The following SDCCAG8 variants were observed in gnomAD, a reference collection of about 807,000 sequenced individuals.
SDCCAG8 encodes the protein SHH signaling and ciliogenesis regulator SDCCAG8.
SDCCAG8 carries 74 observed loss-of-function variants against 101.8 expected under a neutral mutation model. The observed-to-expected ratio is 0.73, with a 90% CI of 0.60 to 0.88. The LOEUF (loss-of-function observed/expected upper bound fraction) is 0.88. SDCCAG8 is among the 40% of genes least tolerant of loss of function. The probability of loss-of-function intolerance (pLI) is 0.00; values close to 1 mark genes in which losing one functional copy is unlikely to be tolerated. For synonymous variants in SDCCAG8, 281 were observed against 292.9 expected (o/e 0.96, Z 0.41); for missense variants, 787 against 822.6 (o/e 0.96, Z 0.53).
chr1:243,363,954 A>AT (rs1369120751), intron 12 of SDCCAG8, among the ~76,000 whole-genome samples: 1 of 152,198 alleles, frequency 6.6e-6, no homozygotes, highest in Admixed American at 6.5e-5. Flanking sequence ...TAGTTAGAAA[A>AT]TATAGGTTAT....
Position 243,336,796 on chromosome 1 carries a change from A to G in SDCCAG8, c.1222-4243A>G, listed in dbSNP as rs934813152. On this transcript the variant is annotated intron_variant, in intron 10 of 17. Coordinates refer to ENST00000366541, the MANE Select transcript of SDCCAG8 (RefSeq NM_006642.5). The stretch of plus-strand genomic sequence containing the variant: ...TCATGTTTGTTGGCCATTTGTATGT[A>G]TTCTTTTGAGAAGTGTCTGTTCATG... 2.6e-5 allele frequency among the ~76,000 whole-genome samples: 4 copies of G among 152,078 alleles called. No homozygotes were observed. The East Asian group carries it at 5.8e-4, about 22-fold the overall frequency.
intron 4 of SDCCAG8, among the ~76,000 whole-genome samples, chr1:243,279,585 A>G (rs752638638): frequency 1.4e-4 from 21 of 152,326 alleles, no homozygotes; most frequent in Non-Finnish European, 2.8e-4. Flanking sequence ...AAACCATCAC[A>G]AGTCAGGGAC....
intron 13 of SDCCAG8, among the ~76,000 whole-genome samples, chr1:243,384,529 C>G (rs1423592016): frequency 6.6e-6 from 1 of 151,848 alleles, no homozygotes; most frequent in Non-Finnish European, 1.5e-5. Flanking sequence ...TTCTAACAAA[C>G]AATGCAAGTA....
At chr1:243,417,893 A>G in intron 14 of SDCCAG8, 75 bp from the exon 15 acceptor site, 1 of 1,054,100 alleles carries the variant, frequency 9.5e-7, no homozygotes, top group Admixed American at 1.7e-5. Flanking sequence ...GCACTTTACC[A>G]CTCTATGTAT....
intron 10 of SDCCAG8, chr1:243,339,045 AGTGGG>A (rs1179418691): frequency 1.0e-4 from 16 of 154,134 alleles, no homozygotes; most frequent in African/African-American, 3.6e-4. Context: ...GACCTCAGAA[AGTGGG>A]GTGGGCGGCA....
At chr1:243,283,418 C>T (rs1373652904) in intron 4 of SDCCAG8, among the ~76,000 whole-genome samples, 1 of 125,624 alleles carries the variant, frequency 8.0e-6, no homozygotes, top group African/African-American at 3.0e-5. Flanking sequence ...TATATATATA[C>T]ATGTATATAT....
chr1:243,298,587 G>A (rs1157870097), intron 6 of SDCCAG8, among the ~76,000 whole-genome samples: 3 of 152,064 alleles, frequency 2.0e-5, no homozygotes, highest in Admixed American at 6.6e-5. Flanking sequence ...AAAATGCTGG[G>A]ATTACAGATG....
chr1:243,271,627 C>T (rs1348298534), intron 3 of SDCCAG8, among the ~76,000 whole-genome samples: 2 of 152,070 alleles, frequency 1.3e-5, no homozygotes, highest in Non-Finnish European at 2.9e-5. Context: ...ACTACAACCT[C>T]TGCCTCCCTG....
At position 243,256,481 on chromosome 1, in the gene SDCCAG8, A is replaced by G. The variant is rs571153174; in HGVS notation, c.67+241A>G. ...ATCAACTCCTTGATCTTAACTTGGC[A>G]TCTTTCTCAACCGGCGACAGCAGAA... On this transcript the variant is annotated intron_variant, in intron 1 of 17. Coordinates refer to ENST00000366541, the MANE Select transcript of SDCCAG8 (RefSeq NM_006642.5). 2.3e-3 allele frequency among the ~76,000 whole-genome samples: 354 copies of G among 152,352 alleles called. 1 individual carries two copies. The highest frequency in any genetic ancestry group is 8.3e-3 in the African/African-American group (346 of 41,582).
chr1:243,331,630 C>A (rs770591144), intron 10 of SDCCAG8, among the ~76,000 whole-genome samples: 2 of 152,162 alleles, frequency 1.3e-5, no homozygotes, highest in Non-Finnish European at 2.9e-5. Context: ...TCTGTCAAAA[C>A]CCTACTACCT....
rs947688960 is a variant in SDCCAG8, at chr1:243,457,945, GATTTTAAA to G, written c.1986-31064_1986-31057del. Among the ~76,000 whole-genome samples, 45 of 152,314 alleles carry G rather than the reference GATTTTAAA, an allele frequency of 3.0e-4. 1 individual carries two copies. The highest frequency in any genetic ancestry group is 2.3e-3 in the Admixed American group (35 of 15,294). ...TGTGTTTTCGTCTCTTTTCTAAACA[GATTTTAAA>G]ATTTGGCTATAATATGTTAGGCATC... is the stretch of plus-strand genomic sequence containing the variant. On this transcript the variant is annotated intron_variant, in intron 16 of 17. Transcript: ENST00000366541.
At chr1:243,406,762 C>A (rs1028380427) in intron 13 of SDCCAG8, among the ~76,000 whole-genome samples, 1 of 152,162 alleles carries the variant, frequency 6.6e-6, no homozygotes, top group African/African-American at 2.4e-5. Context: ...AACATATATC[C>A]TCCAGCATCC....
At position 243,458,734 on chromosome 1, in the gene SDCCAG8, TA is replaced by T. The variant is rs1658367214; in HGVS notation, c.1986-30278del. ...AATCTTAGCAATATTTTAGCTCCCA[TA>T]ATAGTAAAAATTTTTAGAAGCGCTT... On this transcript the variant is annotated intron_variant, in intron 16 of 17. Coordinates refer to ENST00000366541, the MANE Select transcript of SDCCAG8 (RefSeq NM_006642.5). The surrounding 1 kb of genome is among the most constrained non-coding windows in gnomAD (Gnocchi z 4.5). Among the ~76,000 whole-genome samples the T allele has an allele frequency of 6.6e-6, 1 of 152,220 alleles. No homozygotes were observed. The highest frequency in any genetic ancestry group is 1.5e-5 in the Non-Finnish European group (1 of 68,034).
At chr1:243,495,641 G>A (rs887929372) in intron 17 of SDCCAG8, among the ~76,000 whole-genome samples, 1 of 152,204 alleles carries the variant, frequency 6.6e-6, no homozygotes, top group African/African-American at 2.4e-5. Context: ...AGGGCCGCAG[G>A]GGCCTGAGGG....
intron 6 of SDCCAG8, among the ~76,000 whole-genome samples, chr1:243,303,405 G>A (rs1161292762): frequency 1.3e-5 from 2 of 152,198 alleles, no homozygotes; most frequent in East Asian, 1.9e-4. Context: ...AAATTACCAC[G>A]TGTTTCCATA....
At chr1:243,301,236 TGTG>T (rs1163449049) in intron 6 of SDCCAG8, among the ~76,000 whole-genome samples, 5 of 152,198 alleles carry the variant, frequency 3.3e-5, no homozygotes, top group African/African-American at 1.2e-4. Flanking sequence ...CTATTGCTAT[TGTG>T]GTGAGTTCAA....
chr1:243,390,546 T>C (rs952582001), intron 13 of SDCCAG8, among the ~76,000 whole-genome samples: 15 of 152,212 alleles, frequency 9.9e-5, no homozygotes, highest in Admixed American at 4.6e-4. Context: ...AGGAAATGTG[T>C]GTTTGCAGGT....
At chr1:243,299,324 C>T (rs1249062918) in intron 6 of SDCCAG8, among the ~76,000 whole-genome samples, 4 of 152,046 alleles carry the variant, frequency 2.6e-5, no homozygotes, top group Admixed American at 2.0e-4. Context: ...TAACTTTTAA[C>T]CTATTTGTAT....
chr1:243,482,279 T>G (rs547533472), intron 16 of SDCCAG8, among the ~76,000 whole-genome samples: 7 of 152,348 alleles, frequency 4.6e-5, no homozygotes, highest in Non-Finnish European at 1.0e-4. Flanking sequence ...AAATGCTGGT[T>G]CTGATCATGC....
Sources: gnomAD v4.1 joint callset for allele counts (sites outside exome capture counted in the v4.1 genomes callset) on GRCh38, gnomAD v4.1.1 for gene constraint, Gnocchi (gnomAD v3.1) non-coding constraint, MANE v1.5 for transcripts, NCBI Gene and HGNC (gene_info 2026-07-23, HGNC 2026-07-21) for gene names.